The following KCNQ3 variants were observed in gnomAD, a reference collection of about 807,000 sequenced individuals.
KCNQ3 encodes potassium voltage-gated channel subfamily Q member 3.
In KCNQ3, 30 loss-of-function variants were observed where a neutral mutation model predicts 92.5. The observed-to-expected ratio is 0.32, with a 90% confidence interval of 0.24 to 0.44. The LOEUF is 0.44. Ranked by LOEUF, KCNQ3 falls within the 20% of genes least tolerant of loss-of-function variation. The pLI is 1.00. For synonymous variants in KCNQ3, 450 were observed against 468.8 expected, an observed-to-expected ratio of 0.96 and a Z score of 0.52; for missense variants, 913 against 1,140.3, an observed-to-expected ratio of 0.80 and a Z score of 2.87.
At chr8:132,318,189 T>G (rs1052317389) in intron 1 of KCNQ3, among the ~76,000 whole-genome samples, 2 of 152,226 alleles carry the variant, frequency 1.3e-5, no homozygotes, top group Non-Finnish European at 2.9e-5. Context: ...CTATTAAAGG[T>G]CATGATATAA....
intron 8 of KCNQ3, among the ~76,000 whole-genome samples, chr8:132,167,457 A>T (rs1586792016): frequency 6.6e-6 from 1 of 152,238 alleles, no homozygotes; most frequent in Non-Finnish European, 1.5e-5. Context: ...TTTGAAATGT[A>T]TCTCAAGAAA....
At chr8:132,394,739 T>C (rs1051056694) in intron 1 of KCNQ3, among the ~76,000 whole-genome samples, 7 of 152,158 alleles carry the variant, frequency 4.6e-5, no homozygotes, top group African/African-American at 1.4e-4. Flanking sequence ...GTTTGTTAAG[T>C]AGCCTGAAGT....
rs118130997 is a variant in KCNQ3, at chr8:132,439,603, C to A, written c.386+40544G>T. ...GATTACCTAGGTGGGCCCAACACAG[C>A]CACAAGGTTCCTTTCCAGCAGAGGA... On this transcript the variant is annotated intron_variant, in intron 1 of 14. Transcript: ENST00000388996. Among the ~76,000 whole-genome samples, 960 of 152,212 alleles carry A rather than the reference C, an allele frequency of 6.3e-3. 4 individuals carry two copies. The highest frequency in any genetic ancestry group is 8.9e-3 in the Non-Finnish European group (602 of 68,004).
rs375099145 is a variant in KCNQ3 at position 132,403,016 on chromosome 8, C to CAAAAAAAAAAAAAAAAAA, written c.386+77130_386+77131insTTTTTTTTTTTTTTTTTT. Among the ~76,000 whole-genome samples the CAAAAAAAAAAAAAAAAAA allele has an allele frequency of 3.7e-3, 247 of 67,608 alleles. 34 individuals are homozygous for CAAAAAAAAAAAAAAAAAA. The highest frequency in any genetic ancestry group is 0.018 in the African/African-American group (209 of 11,682). 44.4% of individuals were successfully genotyped at this position (67,608 alleles called of 152,430 possible). A position where few individuals can be genotyped will look rare whatever the true frequency, so the allele number is the denominator to read the frequency against. The stretch of plus-strand genomic sequence containing the variant: ...CTGGCAACAGGGCGAGGCACCATCA[C>CAAAAAAAAAAAAAAAAAA]AAAAAAAAAAAAAAAAGTGTCAATA... On this transcript the variant is annotated intron_variant, in intron 1 of 14. Transcript: ENST00000388996.
intron 1 of KCNQ3, among the ~76,000 whole-genome samples, chr8:132,414,969 G>A (rs1007990902): frequency 9.2e-5 from 14 of 152,226 alleles, no homozygotes; most frequent in African/African-American, 2.4e-4. Flanking sequence ...ACCACCTCCC[G>A]GAGAGGGGCT....
chr8:132,265,496 T>C (rs1364067541), intron 1 of KCNQ3, among the ~76,000 whole-genome samples: 7 of 152,244 alleles, frequency 4.6e-5, no homozygotes, highest in Non-Finnish European at 5.9e-5. Context: ...GTTTGTTTCC[T>C]GATGTTTCTA....
intron 1 of KCNQ3, among the ~76,000 whole-genome samples, chr8:132,443,925 C>A (rs1459005367): frequency 1.3e-5 from 2 of 152,144 alleles, no homozygotes; most frequent in African/African-American, 2.4e-5. Flanking sequence ...GTTCTCAGCA[C>A]TTTATAAATA....
chr8:132,459,416 C>T (rs551736497), intron 1 of KCNQ3, among the ~76,000 whole-genome samples: 4 of 152,076 alleles, frequency 2.6e-5, no homozygotes, highest in Non-Finnish European at 4.4e-5. Context: ...GGTAGAAAGG[C>T]AAGGGGAGCT....
intron 9 of KCNQ3, 93 bp from the exon 10 acceptor site, chr8:132,141,424 A>G: frequency 6.5e-6 from 7 of 1,084,352 alleles, no homozygotes; most frequent in Non-Finnish European, 9.7e-6. Flanking sequence ...ATTCTCCTCC[A>G]AGGAGAAATG....
chr8:132,450,361 C>G (rs573283922), intron 1 of KCNQ3, among the ~76,000 whole-genome samples: 6 of 152,314 alleles, frequency 3.9e-5, no homozygotes, highest in Non-Finnish European at 7.3e-5. Context: ...AAACCTCTAG[C>G]TAGCCACAGA....
At chr8:132,257,291 C>G (rs909867011) in intron 1 of KCNQ3, among the ~76,000 whole-genome samples, 1 of 151,720 alleles carries the variant, frequency 6.6e-6, no homozygotes, top group Non-Finnish European at 1.5e-5. Context: ...CTATTTAATA[C>G]AAAAATAGAC....
At chr8:132,322,332 G>A (rs1817919276) in intron 1 of KCNQ3, among the ~76,000 whole-genome samples, 1 of 152,122 alleles carries the variant, frequency 6.6e-6, no homozygotes, top group Admixed American at 6.5e-5. Flanking sequence ...AATGCAAGGG[G>A]CTTGGAGGAC....
At chr8:132,234,632 CA>C (rs1233717448) in intron 1 of KCNQ3, among the ~76,000 whole-genome samples, 4 of 152,296 alleles carry the variant, frequency 2.6e-5, no homozygotes, top group African/African-American at 9.6e-5. Context: ...TTGATTTTCA[CA>C]ACAAACACAC....
At chr8:132,197,291 C>T (rs1468889256) in intron 1 of KCNQ3, among the ~76,000 whole-genome samples, 1 of 152,180 alleles carries the variant, frequency 6.6e-6, no homozygotes, top group African/African-American at 2.4e-5. Context: ...GAGTTCTCAG[C>T]CTTCACCAGG....
At chr8:132,265,739 C>A (rs554793710) in intron 1 of KCNQ3, among the ~76,000 whole-genome samples, 6 of 152,336 alleles carry the variant, frequency 3.9e-5, no homozygotes, top group Admixed American at 2.0e-4. Flanking sequence ...GAACTAAGCT[C>A]ATCCAGCTTT....
At chr8:132,306,705 C>T (rs188707820) in intron 1 of KCNQ3, among the ~76,000 whole-genome samples, 129 of 152,286 alleles carry the variant, frequency 8.5e-4, no homozygotes, top group African/African-American at 3.0e-3. Context: ...AAATCTTCCT[C>T]GAAGGATGTA....
At chr8:132,230,674 A>G (rs1814617546) in intron 1 of KCNQ3, among the ~76,000 whole-genome samples, 1 of 152,228 alleles carries the variant, frequency 6.6e-6, no homozygotes, top group East Asian at 1.9e-4. Context: ...CTTGCCCACA[A>G]TAGTTTTTGG....
intron 1 of KCNQ3, among the ~76,000 whole-genome samples, chr8:132,444,380 C>G (rs1821619947): frequency 6.6e-6 from 1 of 152,106 alleles, no homozygotes; most frequent in Non-Finnish European, 1.5e-5. Flanking sequence ...TCTGTCCTGC[C>G]CCGTGTGAAG....
intron 1 of KCNQ3, among the ~76,000 whole-genome samples, chr8:132,314,427 T>C (rs1316345223): frequency 1.3e-5 from 2 of 152,180 alleles, no homozygotes; most frequent in South Asian, 2.1e-4. Context: ...ATATAATTCC[T>C]AACAAAACCC....
Sources: allele counts gnomAD v4.1 joint callset (sites outside exome capture counted in the v4.1 genomes callset), GRCh38; gene constraint gnomAD v4.1.1; transcripts MANE v1.5; gene names NCBI Gene and HGNC (gene_info 2026-07-23, HGNC 2026-07-21).